The following APOM variants were observed in gnomAD, a reference collection of about 807,000 sequenced individuals.
APOM encodes the protein NG20-like protein.
APOM carries 24 observed loss-of-function variants against 23.5 expected under a neutral mutation model. The observed-to-expected ratio is 1.02, with a 90% confidence interval of 0.74 to 1.44. The LOEUF (loss-of-function observed/expected upper bound fraction) is 1.44, where lower values mean the gene tolerates loss of function less well. Among genes scored for constraint, APOM ranks in the 40% most tolerant of loss-of-function variants. The pLI is 0.00. For synonymous variants in APOM, 82 were observed against 84.1 expected (o/e 0.97, Z 0.14); for missense variants, 200 against 233.2 (o/e 0.86, Z 0.93).
chr6:31,657,880 G>C, intron 5 of APOM, 157 bp downstream of exon 5: 4 of 946,444 alleles, frequency 4.2e-6, no homozygotes, highest in Non-Finnish European at 6.6e-6. Flanking sequence ...ACTCAAAAGA[G>C]AGGTTTCTGA....
intron 1 of APOM, among the ~76,000 whole-genome samples, 188 bp from the exon 2 acceptor site, chr6:31,656,284 G>C (rs992547197): frequency 1.3e-5 from 2 of 152,106 alleles, no homozygotes; most frequent in African/African-American, 4.8e-5. Flanking sequence ...TGGTTACCCA[G>C]GTTGACTGGG....
intron 2 of APOM, 46 bp from the exon 3 acceptor site, chr6:31,657,179 T>C: frequency 2.6e-6 from 4 of 1,564,898 alleles, no homozygotes; most frequent in Non-Finnish European, 3.5e-6. Flanking sequence ...ACACTATGGT[T>C]GGGGTGATGC....
chr6:31,657,117 G>A lies in APOM; in HGVS notation c.270-108G>A, dbSNP rs1800168128. 15 of 1,097,402 alleles carry A rather than the reference G, an allele frequency of 1.4e-5. No individual in the cohort carries two copies. The East Asian group carries it at 3.4e-4, about 25-fold the overall frequency. The allele number at this position is 1,097,402 out of a possible 1,614,324, so 68.0% of individuals were successfully genotyped here. A position where few individuals can be genotyped will look rare whatever the true frequency, so the allele number is the denominator to read the frequency against. On this transcript the variant is annotated intron_variant, in intron 2 of 5. Coordinates refer to ENST00000375916, the MANE Select transcript of APOM (RefSeq NM_019101.3). ...GCCGAGATGGCGCCACTGCACTCCA[G>A]CCTGGGCAACAGAGTGAGACTCTGT...
chr6:31,656,015 C>T lies in APOM; in HGVS notation c.49C>T (p.Leu17Phe). The change falls in exon 1 of 6, where the codon CTT (leucine) becomes TTT (phenylalanine). Residue 17 changes from leucine (L) to phenylalanine (F), a missense_variant. Transcript: ENST00000375916. ...AALLYFYGIILNSIYQCPEHS... is the reference protein window; with the variant it reads ...AALLYFYGIIFNSIYQCPEHS... ...TCTGCTCTACTTCTATGGTATTATC[C>T]TTAACTCCATCTACCAGTGCCCTGA... The T allele has an allele frequency of 1.3e-5, 20 of 1,599,852 alleles. No individual in the cohort carries two copies. The highest frequency in any genetic ancestry group is 1.7e-5 in the Non-Finnish European group (20 of 1,173,280).
upstream of APOM, among the ~76,000 whole-genome samples, chr6:31,653,460 A>G (rs970261983): frequency 3.3e-5 from 5 of 152,184 alleles, no homozygotes; most frequent in African/African-American, 1.2e-4. Context: ...TCCTGGTTAT[A>G]TTTTAGTTAA....
At position 31,657,397 on chromosome 6, in the gene APOM, A is replaced by G; in HGVS notation, c.361A>G (p.Thr121Ala). The change falls in exon 4 of 6, where the codon ACT (threonine) becomes GCT (alanine). Residue 121 changes from threonine to alanine, a missense_variant. Coordinates refer to ENST00000375916, the MANE Select transcript of APOM (RefSeq NM_019101.3). ...CTTGACAGGCCGCCCTGACATGAAG[A>G]CTGAGCTCTTTTCCAGCTCATGCCC... Reference protein sequence around the residue: ...LRTEGRPDMKTELFSSSCPGG... With the variant: ...LRTEGRPDMKAELFSSSCPGG... 6.2e-7 allele frequency: 1 copy of G among 1,613,046 alleles called. No homozygotes were observed.
rs1800081008 is a variant in APOM at position 31,656,535 on chromosome 6, T to C, written c.178T>C (p.Leu60=). 1.9e-6 allele frequency: 3 copies of C among 1,613,832 alleles called. No homozygotes were observed. Among genetic ancestry groups the C allele is most frequent in the Non-Finnish European group, 2.5e-6 (3 of 1,179,958 alleles). ...IAGAAPTKEE[L]ATFDPVDNIV... ...AGGGGCAGCTCCCACCAAGGAGGAG[T>C]TGGCAACTTTTGACCCTGTGGACAA... The change falls in exon 2 of 6, where the codon TTG becomes CTG. Residue 60 remains leucine, a synonymous_variant. Coordinates refer to ENST00000375916, the MANE Select transcript of APOM (RefSeq NM_019101.3).
rs547048259 is a variant in APOM, at chr6:31,656,594, G to A, written c.237G>A (p.Pro79=). ...IVFNMAAGSA[P]MQLHLRATIR... is the part of the protein sequence containing the mutation. The stretch of plus-strand genomic sequence containing the variant: ...TCAATATGGCTGCTGGCTCTGCCCC[G>A]ATGCAGCTCCACCTTCGTGCTACCA... The change falls in exon 2 of 6, where the codon CCG becomes CCA. Residue 79 remains proline, a synonymous_variant. Coordinates refer to ENST00000375916, the MANE Select transcript of APOM (RefSeq NM_019101.3). The A allele has an allele frequency of 1.8e-4, 291 of 1,614,044 alleles. 3 individuals are homozygous for A. In the South Asian group the frequency reaches 2.1e-3, roughly 12 times the overall value.
chr6:31,657,637 A>T lies in APOM; in HGVS notation c.455A>T (p.His152Leu). 6.2e-7 allele frequency: 1 copy of T among 1,612,902 alleles called. No homozygotes were observed. The highest frequency in any genetic ancestry group is 1.3e-5 in the African/African-American group (1 of 74,980). Residue 152 changes from histidine (H) to leucine (L), a missense_variant, in exon 5 of 6, where the codon CAT becomes CTT. His to Leu is a moderately conservative substitution (Grantham distance 99). Coordinates refer to ENST00000375916, the MANE Select transcript of APOM (RefSeq NM_019101.3). The part of the protein sequence containing the change: ...QRFLLYNRSP[H>L]PPEKCVEEFK... ...CTTGCCCTTCCAGATCGCTCACCACATCCTCCCGAAAAGTGTGTGGAGGAA... is the reference window on the plus strand; with the variant it reads ...CTTGCCCTTCCAGATCGCTCACCACTTCCTCCCGAAAAGTGTGTGGAGGAA...
upstream of APOM, chr6:31,652,656 G>C (rs573538530): frequency 6.5e-6 from 1 of 152,704 alleles, no homozygotes; most frequent in Non-Finnish European, 1.5e-5. Context: ...TACTACGCCT[G>C]CGTGCGTCGC....
At chr6:31,657,005 G>A (rs1800150640) in intron 2 of APOM, among the ~76,000 whole-genome samples, 1 of 152,096 alleles carries the variant, frequency 6.6e-6, no homozygotes, top group Non-Finnish European at 1.5e-5. Context: ...AACTAGCTGG[G>A]CATGGTGGTG....
chr6:31,657,496 G>T lies in APOM; in HGVS notation c.442+18G>T. On this transcript the variant is annotated intron_variant, in intron 4 of 5. Transcript: ENST00000375916. ...CCTCTACAGTGAGTAGGGATACAAGGCAGGAAGGGTTGGAGGGAAACAAGG... is the reference window on the plus strand; with the variant it reads ...CCTCTACAGTGAGTAGGGATACAAGTCAGGAAGGGTTGGAGGGAAACAAGG... 5 of 1,611,826 alleles carry T rather than the reference G, an allele frequency of 3.1e-6. No individual in the cohort carries two copies. Among genetic ancestry groups the T allele is most frequent in the Non-Finnish European group, 4.2e-6 (5 of 1,179,638 alleles).
At chr6:31,655,740 G>A (rs1799969364), upstream of APOM, 2 of 509,544 alleles carry the variant, frequency 3.9e-6, no homozygotes, top group African/African-American at 3.8e-5. Flanking sequence ...GAGAAACCCT[G>A]GACATGCCAG....
chr6:31,654,294 T>C (rs1002778502), upstream of APOM, among the ~76,000 whole-genome samples: 3 of 151,502 alleles, frequency 2.0e-5, no homozygotes, highest in Non-Finnish European at 4.4e-5. Context: ...TAGAACAGTA[T>C]TAATAAACTC....
chr6:31,657,994 C>G (rs1189866407), intron 5 of APOM, 70 bp from the exon 6 acceptor site: 1 of 1,499,068 alleles, frequency 6.7e-7, no homozygotes. Context: ...TCCCCCACCC[C>G]ATTACTATCA....
intron 1 of APOM, 29 bp from the exon 2 acceptor site, chr6:31,656,443 C>T: frequency 6.2e-7 from 1 of 1,608,980 alleles, no homozygotes; most frequent in Non-Finnish European, 8.5e-7. Flanking sequence ...GGAACCCACC[C>T]TCTTTTGCTC....
intron 1 of APOM, 100 bp from the exon 2 acceptor site, chr6:31,656,372 A>G: frequency 1.5e-6 from 2 of 1,299,604 alleles, no homozygotes; most frequent in Non-Finnish European, 2.1e-6. Flanking sequence ...AAGGCAGCCA[A>G]CACCTCTACC....
chr6:31,654,266 T>C (rs1266078), upstream of APOM, among the ~76,000 whole-genome samples: 2 of 148,034 alleles, frequency 1.4e-5, no homozygotes, highest in Non-Finnish European at 3.0e-5. Flanking sequence ...AAAAAAAAAT[T>C]CAAACATTAC....
intron 2 of APOM, 24 bp from the exon 3 acceptor site, chr6:31,657,201 T>G (rs1296018808): frequency 6.2e-7 from 1 of 1,608,032 alleles, no homozygotes; most frequent in South Asian, 1.1e-5. Context: ...CATTCTTTCC[T>G]CCTTGCCACC....
Sources: gnomAD v4.1 joint callset for allele counts (sites outside exome capture counted in the v4.1 genomes callset) on GRCh38, gnomAD v4.1.1 for gene constraint, MANE v1.5 for transcripts, NCBI Gene and HGNC (gene_info 2026-07-23, HGNC 2026-07-21) for gene names.